SRFBP1: variants seen among roughly 807,000 people sequenced by gnomAD.
SRFBP1 encodes serum response factor-binding protein 1.
SRFBP1 carries 47 observed loss-of-function variants against 45.5 expected under a neutral mutation model. That is an observed-to-expected ratio of 1.03 (90% CI 0.82 to 1.32). The LOEUF is 1.32. SRFBP1 is among the 40% of genes most tolerant of loss of function. The probability of loss-of-function intolerance (pLI) is 0.00; values close to 1 mark genes in which losing one functional copy is unlikely to be tolerated. For missense variants in SRFBP1, 621 were observed against 484.6 expected, an observed-to-expected ratio of 1.28 and a Z score of -2.64; for synonymous variants, 203 against 166.3, an observed-to-expected ratio of 1.22 and a Z score of -1.70.
intron 1 of SRFBP1, among the ~76,000 whole-genome samples, chr5:121,964,347 TC>T (rs1323309123): frequency 6.6e-6 from 1 of 151,906 alleles, no homozygotes; most frequent in Non-Finnish European, 1.5e-5. Flanking sequence ...CCTCCCCCTT[TC>T]CCCCCACCCG....
intron 1 of SRFBP1, 135 bp from the exon 2 acceptor site, chr5:121,974,061 T>C: frequency 1.8e-6 from 1 of 570,410 alleles, no homozygotes; most frequent in Admixed American, 3.2e-5. Flanking sequence ...TTTGATTTCA[T>C]CAAGCTACGA....
At chr5:121,970,280 A>T (rs1432163532) in intron 1 of SRFBP1, among the ~76,000 whole-genome samples, 1 of 152,130 alleles carries the variant, frequency 6.6e-6, no homozygotes, top group Admixed American at 6.6e-5. Context: ...TTGGAATTTT[A>T]AAATTGGAGA....
At chr5:121,980,899 G>A (rs1002042726) in intron 3 of SRFBP1, among the ~76,000 whole-genome samples, 5 of 152,052 alleles carry the variant, frequency 3.3e-5, no homozygotes, top group East Asian at 1.9e-4. Flanking sequence ...CTCTCTCAGC[G>A]GATAAAGTAT....
chr5:122,026,546 T>C (rs2112715592), intron 7 of SRFBP1, among the ~76,000 whole-genome samples: 1 of 152,312 alleles, frequency 6.6e-6, no homozygotes, highest in African/African-American at 2.4e-5. Context: ...GATGTGAATT[T>C]TCTGGCTACA....
At chr5:122,032,165 A>G (rs1279235205), downstream of SRFBP1, among the ~76,000 whole-genome samples, 1 of 152,176 alleles carries the variant, frequency 6.6e-6, no homozygotes, top group African/African-American at 2.4e-5. Flanking sequence ...CCCTGGGTGA[A>G]TACTGGTTTC....
chr5:121,979,209 C>A (rs561407712), intron 3 of SRFBP1, among the ~76,000 whole-genome samples: 3 of 152,278 alleles, frequency 2.0e-5, no homozygotes, highest in Admixed American at 2.0e-4. Context: ...TAGGGAGAAT[C>A]CCATTTTAGA....
chr5:121,991,047 T>C (rs972270473), intron 3 of SRFBP1, among the ~76,000 whole-genome samples: 5 of 152,256 alleles, frequency 3.3e-5, no homozygotes, highest in South Asian at 2.1e-4. Context: ...AGAGTTGATG[T>C]ATTGTCAGGT....
chr5:121,965,798 G>A (rs1213073941), intron 1 of SRFBP1, among the ~76,000 whole-genome samples: 2 of 152,086 alleles, frequency 1.3e-5, no homozygotes, highest in Admixed American at 6.5e-5. Flanking sequence ...CTGTTTTCAC[G>A]ATATTGATTC....
chr5:121,972,205 A>G (rs140208846), intron 1 of SRFBP1, among the ~76,000 whole-genome samples: 1 of 152,104 alleles, frequency 6.6e-6, no homozygotes, highest in Non-Finnish European at 1.5e-5. Context: ...TGGGCTCTAA[A>G]AGACAGTTAA....
At chr5:122,040,897 A>G (rs1056133997) in intron 2 of SRFBP1, among the ~76,000 whole-genome samples, 1 of 152,124 alleles carries the variant, frequency 6.6e-6, no homozygotes, top group Non-Finnish European at 1.5e-5. Context: ...AGAAAGTATC[A>G]ACTGGTTATT....
intron 2 of SRFBP1, among the ~76,000 whole-genome samples, chr5:122,059,661 T>C (rs954767541): frequency 3.3e-5 from 5 of 152,128 alleles, no homozygotes; most frequent in Non-Finnish European, 7.4e-5. Flanking sequence ...TTCTCTGCAG[T>C]TCTTGAAGAA....
At chr5:122,037,666 T>A (rs1391302508) in intron 2 of SRFBP1, among the ~76,000 whole-genome samples, 1 of 151,214 alleles carries the variant, frequency 6.6e-6, no homozygotes, top group Admixed American at 6.6e-5. Flanking sequence ...ATTCAGTTTT[T>A]ATTTTGTATT....
chr5:121,994,205 A>G (rs1276965169), intron 3 of SRFBP1, among the ~76,000 whole-genome samples: 1 of 151,882 alleles, frequency 6.6e-6, no homozygotes, highest in Non-Finnish European at 1.5e-5. Context: ...CATAAATGTT[A>G]TCTTCTTTGT....
downstream of SRFBP1, among the ~76,000 whole-genome samples, chr5:122,030,183 G>A (rs1330676880): frequency 6.6e-6 from 1 of 152,170 alleles, no homozygotes; most frequent in African/African-American, 2.4e-5. Context: ...TAAGAAAACT[G>A]TCCAAACTAT....
chr5:122,018,410 C>CCACA (rs931024964), intron 4 of SRFBP1, among the ~76,000 whole-genome samples: 13 of 151,986 alleles, frequency 8.6e-5, no homozygotes, highest in Admixed American at 8.5e-4. Flanking sequence ...ACATTTGGAA[C>CCACA]CACAGGGTGT....
At chr5:121,997,332 A>G (rs182822686) in intron 4 of SRFBP1, among the ~76,000 whole-genome samples, 1 of 150,364 alleles carries the variant, frequency 6.7e-6, no homozygotes, top group East Asian at 1.9e-4. Context: ...GATCAATGGA[A>G]CAGAACAGAG....
In SRFBP1 at chr5:121,964,538, G is replaced by A. The variant is rs193105624; in HGVS notation, c.36+2470G>A. 4.7e-3 allele frequency among the ~76,000 whole-genome samples: 710 copies of A among 152,168 alleles called. 6 individuals carry two copies. Among genetic ancestry groups the A allele is most frequent in the African/African-American group, 0.016 (669 of 41,498 alleles). Reference sequence around the variant, plus strand: ...GGACATGAACTCATCATTTTTTATGGCTGCATAGTATTCCATGGTGTATAT... The same window carrying A: ...GGACATGAACTCATCATTTTTTATGACTGCATAGTATTCCATGGTGTATAT... On this transcript the variant is annotated intron_variant, in intron 1 of 7. Coordinates refer to ENST00000339397, the MANE Select transcript of SRFBP1 (RefSeq NM_152546.3).
chr5:122,016,625 G>T (rs1198111007), intron 4 of SRFBP1, among the ~76,000 whole-genome samples: 1 of 152,054 alleles, frequency 6.6e-6, no homozygotes, highest in Non-Finnish European at 1.5e-5. Flanking sequence ...CTATATTCTA[G>T]CTTTTAATAC....
chr5:122,063,508 T>A (rs918804033), intron 2 of SRFBP1: 2 of 151,880 alleles, frequency 1.3e-5, no homozygotes, highest in African/African-American at 4.8e-5. Context: ...TTTAAATAAC[T>A]CAGCACCATT....
Sources: gnomAD v4.1 joint callset for allele counts (sites outside exome capture counted in the v4.1 genomes callset) on GRCh38, gnomAD v4.1.1 for gene constraint, MANE v1.5 for transcripts, NCBI Gene and HGNC (gene_info 2026-07-23, HGNC 2026-07-21) for gene names.